Variants in NAV2 observed in about 807,000 individuals in gnomAD.
The protein encoded by NAV2 is helicase, APC down-regulated 1.
A neutral mutation model predicts 223.2 loss-of-function variants in NAV2; 54 were observed. The observed-to-expected ratio is 0.24, with a 90% CI of 0.19 to 0.30. The LOEUF (loss-of-function observed/expected upper bound fraction) is 0.30. NAV2 is among the 10% of genes least tolerant of loss of function. The pLI is 1.00. For synonymous variants in NAV2, 1,279 were observed against 1,239.3 expected, an observed-to-expected ratio of 1.03 and a Z score of -0.67; for missense variants, 2,806 against 3,147.5, an observed-to-expected ratio of 0.89 and a Z score of 2.60.
chr11:19,808,327 C>G (rs538286021), intron 1 of NAV2, among the ~76,000 whole-genome samples: 5 of 152,278 alleles, frequency 3.3e-5, no homozygotes, highest in South Asian at 4.1e-4. Context: ...CAGCTCCTGA[C>G]TAGGAGCTGT....
chr11:19,493,306 T>C (rs931588684), intron 1 of NAV2, among the ~76,000 whole-genome samples: 10 of 152,158 alleles, frequency 6.6e-5, no homozygotes, highest in Non-Finnish European at 1.3e-4. Context: ...TTAGCGGAAA[T>C]TTAAAATCAT....
intron 17 of NAV2, 34 bp from the exon 18 acceptor site, chr11:20,054,046 A>G (rs1312332662): frequency 6.2e-7 from 1 of 1,606,590 alleles, no homozygotes; most frequent in South Asian, 1.1e-5. Flanking sequence ...AGCATTGTTC[A>G]TAGTTAATTC....
At chr11:19,389,395 G>A (rs1231173245) in intron 1 of NAV2, among the ~76,000 whole-genome samples, 1 of 152,218 alleles carries the variant, frequency 6.6e-6, no homozygotes, top group Non-Finnish European at 1.5e-5. Context: ...GAAGCACGAT[G>A]TTCTTTCCCA....
intron 1 of NAV2, among the ~76,000 whole-genome samples, chr11:19,536,587 T>C (rs2044195902): frequency 6.6e-6 from 1 of 152,226 alleles, no homozygotes; most frequent in Admixed American, 6.5e-5. Flanking sequence ...TTGATATTTG[T>C]TCAGCACTTA....
At chr11:20,012,174 C>T (rs1238239274) in intron 11 of NAV2, among the ~76,000 whole-genome samples, 3 of 152,238 alleles carry the variant, frequency 2.0e-5, no homozygotes, top group Non-Finnish European at 4.4e-5. Flanking sequence ...CTCCCTGCAG[C>T]TGAACCTCCA....
chr11:19,977,828 G>C (rs1367662155), intron 10 of NAV2, among the ~76,000 whole-genome samples: 1 of 129,000 alleles, frequency 7.8e-6, no homozygotes, highest in Non-Finnish European at 1.6e-5. Context: ...TTTTGAGACA[G>C]GGTTTCACTC....
At chr11:19,367,679 G>C (rs755912862) in intron 1 of NAV2, among the ~76,000 whole-genome samples, 5 of 152,080 alleles carry the variant, frequency 3.3e-5, no homozygotes, top group Non-Finnish European at 7.4e-5. Context: ...TTCCTTGCTT[G>C]AGTTGTATGT....
intron 11 of NAV2, among the ~76,000 whole-genome samples, chr11:20,019,352 T>C (rs986899670): frequency 2.0e-5 from 3 of 152,140 alleles, no homozygotes; most frequent in Admixed American, 6.5e-5. Context: ...TTAGGACTGT[T>C]AATGTAGAGT....
chr11:19,740,138 G>A (rs1043471744), intron 1 of NAV2, among the ~76,000 whole-genome samples: 3 of 152,088 alleles, frequency 2.0e-5, no homozygotes, highest in Non-Finnish European at 2.9e-5. Context: ...AGGGATCTCC[G>A]GACAGTAAAA....
intron 1 of NAV2, among the ~76,000 whole-genome samples, chr11:19,737,538 C>T (rs1299058202): frequency 6.6e-6 from 1 of 152,180 alleles, no homozygotes; most frequent in Non-Finnish European, 1.5e-5. Flanking sequence ...TATAACCTGG[C>T]AATTGCAATC....
At chr11:19,451,124 C>T (rs1235802289) in intron 1 of NAV2, among the ~76,000 whole-genome samples, 1 of 152,132 alleles carries the variant, frequency 6.6e-6, no homozygotes, top group Non-Finnish European at 1.5e-5. Flanking sequence ...CCCTGGGTCA[C>T]ATAGTATGAA....
chr11:19,717,568 G>C (rs1473414548), intron 1 of NAV2, among the ~76,000 whole-genome samples: 1 of 152,226 alleles, frequency 6.6e-6, no homozygotes, highest in African/African-American at 2.4e-5. Context: ...GTTGCTTCAT[G>C]CAACAAGTCA....
rs748594559 is a variant in NAV2 at position 20,036,141 on chromosome 11, C to A, written c.2907+44C>A. The A allele has an allele frequency of 3.1e-6, 5 of 1,612,484 alleles. 1 individual carries two copies. Among genetic ancestry groups the A allele is most frequent in the Non-Finnish European group, 2.5e-6 (3 of 1,179,080 alleles). On this transcript the variant is annotated intron_variant, in intron 12 of 37. Transcript: ENST00000349880. ...CCCAGGCTCCTCCAGCAGCCTCTGG[C>A]AGCAGGGAACCTTGGGCTTGTGGGG...
chr11:19,372,226 T>C (rs776728660), intron 1 of NAV2, among the ~76,000 whole-genome samples: 2 of 152,200 alleles, frequency 1.3e-5, no homozygotes, highest in African/African-American at 4.8e-5. Flanking sequence ...GTTTCCTCAT[T>C]TGTAGAAGAG....
At chr11:19,429,826 A>T (rs1030685032) in intron 1 of NAV2, among the ~76,000 whole-genome samples, 2 of 152,218 alleles carry the variant, frequency 1.3e-5, no homozygotes, top group African/African-American at 4.8e-5. Flanking sequence ...AGTGGCCTGA[A>T]GTCAGCAGGA....
chr11:20,092,061 A>T, intron 27 of NAV2, 145 bp from the exon 28 acceptor site: 1 of 711,172 alleles, frequency 1.4e-6, no homozygotes. Flanking sequence ...GTTAGCAAAC[A>T]CTGCTAAATC....
At chr11:20,105,970 C>T (rs924988944) in intron 35 of NAV2, among the ~76,000 whole-genome samples, 2 of 28,384 alleles carry the variant, frequency 7.0e-5, no homozygotes, top group South Asian at 0.014. Flanking sequence ...AGAGCTCCCA[C>T]CTCAAGGTTC....
At chr11:19,786,207 G>A (rs758341642) in intron 1 of NAV2, among the ~76,000 whole-genome samples, 19 of 152,216 alleles carry the variant, frequency 1.2e-4, no homozygotes, top group Non-Finnish European at 2.8e-4. Flanking sequence ...CTACAGTGCA[G>A]TTCCAGGATG....
chr11:20,043,593 C>T (rs1202154868), intron 12 of NAV2, among the ~76,000 whole-genome samples: 1 of 152,104 alleles, frequency 6.6e-6, no homozygotes. Context: ...AGGCGTGTGC[C>T]ACCACACTCA....
Sources: allele counts gnomAD v4.1 joint callset (sites outside exome capture counted in the v4.1 genomes callset), GRCh38; gene constraint gnomAD v4.1.1; transcripts MANE v1.5; gene names NCBI Gene and HGNC (gene_info 2026-07-23, HGNC 2026-07-21).